GPR158: variants seen among roughly 807,000 people sequenced by gnomAD.
GPR158 encodes metabotropic glycine receptor.
Under a neutral mutation model 78.2 loss-of-function variants are expected in GPR158, and 30 were observed. That is an observed-to-expected ratio of 0.38 (90% CI 0.29 to 0.52). The LOEUF (loss-of-function observed/expected upper bound fraction) is 0.52. GPR158 is among the 20% of genes least tolerant of loss of function. The pLI is 0.83. For missense variants in GPR158, 1,463 were observed against 1,523.5 expected (o/e 0.96, Z 0.66); for synonymous variants, 581 against 591.1 (o/e 0.98, Z 0.25).
rs937366439 is a variant in GPR158, at chr10:25,360,637, G to A, written c.1009-35274G>A. On this transcript the variant is annotated intron_variant, in intron 2 of 10. Coordinates refer to ENST00000376351, the MANE Select transcript of GPR158 (RefSeq NM_020752.3). ...ATCTGTTTTGGCTGTTTTGGTACCAGTACCACGCAGTTTTCATTATTGTAG... is the reference window on the plus strand; with the variant it reads ...ATCTGTTTTGGCTGTTTTGGTACCAATACCACGCAGTTTTCATTATTGTAG... 2.0e-5 allele frequency among the ~76,000 whole-genome samples: 3 copies of A among 152,174 alleles called. 1 individual carries two copies. The highest frequency in any genetic ancestry group is 7.2e-5 in the African/African-American group (3 of 41,552).
intron 2 of GPR158, among the ~76,000 whole-genome samples, chr10:25,224,210 CAT>C (rs1853341094): frequency 6.6e-6 from 1 of 152,006 alleles, no homozygotes; most frequent in African/African-American, 2.4e-5. Context: ...ATGGTTTAAA[CAT>C]AAAATTAATT....
At chr10:25,447,591 T>C (rs984211151) in intron 4 of GPR158, among the ~76,000 whole-genome samples, 18 of 152,180 alleles carry the variant, frequency 1.2e-4, no homozygotes, top group African/African-American at 4.3e-4. Context: ...TTGGCTTAAA[T>C]GTGAGCTAAT....
At chr10:25,488,734 A>T (rs1373213450) in intron 5 of GPR158, among the ~76,000 whole-genome samples, 6 of 152,170 alleles carry the variant, frequency 3.9e-5, no homozygotes, top group Non-Finnish European at 8.8e-5. Flanking sequence ...GACATGAAAG[A>T]AAGTGCTTAT....
chr10:25,356,941 T>G (rs899850017), intron 2 of GPR158, among the ~76,000 whole-genome samples: 2 of 152,074 alleles, frequency 1.3e-5, no homozygotes, highest in Non-Finnish European at 2.9e-5. Context: ...TGGAATTCCC[T>G]AGAGACTTGT....
chr10:25,322,569 T>C (rs1467105762), intron 2 of GPR158, among the ~76,000 whole-genome samples: 1 of 152,170 alleles, frequency 6.6e-6, no homozygotes. Context: ...TGTAATGGCA[T>C]TTAGAATGGT....
At chr10:25,412,865 G>A (rs1435819832) in intron 4 of GPR158, among the ~76,000 whole-genome samples, 5 of 152,010 alleles carry the variant, frequency 3.3e-5, no homozygotes, top group African/African-American at 1.2e-4. Context: ...GTTTAAATAT[G>A]GTAAATGACT....
At chr10:25,256,888 T>C (rs1853896327) in intron 2 of GPR158, among the ~76,000 whole-genome samples, 2 of 152,062 alleles carry the variant, frequency 1.3e-5, no homozygotes, top group Admixed American at 1.3e-4. Context: ...CATAATAGGC[T>C]GAAATTAACA....
intron 2 of GPR158, among the ~76,000 whole-genome samples, chr10:25,230,070 A>G (rs1281186986): frequency 6.6e-6 from 1 of 152,232 alleles, no homozygotes; most frequent in Non-Finnish European, 1.5e-5. Context: ...GAATAATGAT[A>G]TAGAAGACAC....
intron 2 of GPR158, among the ~76,000 whole-genome samples, chr10:25,232,337 A>C (rs1251518790): frequency 6.6e-6 from 1 of 152,038 alleles, no homozygotes; most frequent in Non-Finnish European, 1.5e-5. Flanking sequence ...CTAATCTGGC[A>C]CTCCCTCTGC....
At chr10:25,308,236 A>G (rs964256759) in intron 2 of GPR158, among the ~76,000 whole-genome samples, 71 of 152,122 alleles carry the variant, frequency 4.7e-4, no homozygotes, top group African/African-American at 1.7e-3. Flanking sequence ...TGCTGCACCT[A>G]TCAACCCATC....
At chr10:25,181,335 C>T (rs920108639) in intron 1 of GPR158, among the ~76,000 whole-genome samples, 1 of 152,204 alleles carries the variant, frequency 6.6e-6, no homozygotes, top group Admixed American at 6.5e-5. Flanking sequence ...ACTGTCATCA[C>T]ATAGGAAGTT....
intron 2 of GPR158, among the ~76,000 whole-genome samples, chr10:25,295,101 C>T (rs1332141657): frequency 6.6e-6 from 1 of 152,188 alleles, no homozygotes; most frequent in Non-Finnish European, 1.5e-5. Flanking sequence ...CATATGCGGA[C>T]CTCCCTGTCT....
At chr10:25,524,997 G>A (rs1364176446) in intron 5 of GPR158, among the ~76,000 whole-genome samples, 4 of 152,130 alleles carry the variant, frequency 2.6e-5, no homozygotes, top group African/African-American at 9.7e-5. Flanking sequence ...TATACAGATA[G>A]CCAATAAGCA....
At chr10:25,233,351 A>G (rs10508689) in intron 2 of GPR158, among the ~76,000 whole-genome samples, 18,447 of 152,220 alleles carry the variant, frequency 0.12, 1,353 homozygotes, top group East Asian at 0.31. Context: ...TTGTCAGTAC[A>G]GTCTTTGTTT....
At chr10:25,391,821 A>AT (rs753626395) in intron 2 of GPR158, among the ~76,000 whole-genome samples, 2 of 152,114 alleles carry the variant, frequency 1.3e-5, no homozygotes, top group Non-Finnish European at 2.9e-5. Context: ...GTGGAATGAT[A>AT]TGGTTTGGCT....
intron 4 of GPR158, among the ~76,000 whole-genome samples, chr10:25,446,207 T>C (rs1217802595): frequency 6.6e-6 from 1 of 152,220 alleles, no homozygotes; most frequent in South Asian, 2.1e-4. Context: ...ATTACTTTCA[T>C]GTCCACTTGC....
intron 2 of GPR158, among the ~76,000 whole-genome samples, chr10:25,294,016 T>C (rs1277847198): frequency 1.3e-5 from 2 of 152,216 alleles, no homozygotes; most frequent in Non-Finnish European, 1.5e-5. Context: ...AAGTGCGGGA[T>C]TACAGGCCTG....
At chr10:25,215,838 C>T (rs1483510887) in intron 1 of GPR158, among the ~76,000 whole-genome samples, 1 of 152,078 alleles carries the variant, frequency 6.6e-6, no homozygotes, top group Admixed American at 6.5e-5. Context: ...CTCAAAAAGC[C>T]AAAACATAAA....
intron 2 of GPR158, among the ~76,000 whole-genome samples, chr10:25,324,472 G>A (rs1854998858): frequency 6.6e-6 from 1 of 152,164 alleles, no homozygotes; most frequent in African/African-American, 2.4e-5. Flanking sequence ...TAAGTTTGCT[G>A]TATTATATGG....
Sources: allele counts gnomAD v4.1 joint callset (sites outside exome capture counted in the v4.1 genomes callset), GRCh38; gene constraint gnomAD v4.1.1; transcripts MANE v1.5; gene names NCBI Gene and HGNC (gene_info 2026-07-23, HGNC 2026-07-21).